ARHGEF11: variants seen among roughly 807,000 people sequenced by gnomAD.
The protein encoded by ARHGEF11 is Rho guanine nucleotide exchange factor 11.
Under a neutral mutation model 193.7 loss-of-function variants are expected in ARHGEF11, and 55 were observed. That is an observed-to-expected ratio of 0.28 (90% CI 0.23 to 0.36). The LOEUF is 0.36. Ranked by LOEUF, ARHGEF11 falls within the 10% of genes least tolerant of loss-of-function variation. The pLI is 1.00. For synonymous variants in ARHGEF11, 693 were observed against 768.0 expected, an observed-to-expected ratio of 0.90 and a Z score of 1.62; for missense variants, 1,723 against 2,005.6, an observed-to-expected ratio of 0.86 and a Z score of 2.69.
chr1:157,010,340 T>C (rs1668396210), intron 1 of ARHGEF11, among the ~76,000 whole-genome samples: 1 of 139,510 alleles, frequency 7.2e-6, no homozygotes, highest in South Asian at 2.4e-4. Context: ...GATGTGATCT[T>C]GCATACAGAA....
chr1:156,960,345 C>T (rs1660648409), intron 15 of ARHGEF11, 73 bp downstream of exon 15: 7 of 1,491,172 alleles, frequency 4.7e-6, no homozygotes, highest in Middle Eastern at 1.7e-4. Flanking sequence ...CCCTTCTGTC[C>T]TCTGGAGCCT....
intron 36 of ARHGEF11, 107 bp from the exon 37 acceptor site, chr1:156,940,017 T>G: frequency 6.5e-6 from 10 of 1,527,580 alleles, no homozygotes; most frequent in Non-Finnish European, 8.7e-6. Flanking sequence ...CAGGCACAGG[T>G]GAAGCTGGAG....
Position 156,946,974 on chromosome 1 carries a change from G to C in ARHGEF11, c.2530C>G (p.Pro844Ala). The change falls in exon 27 of 41, where the codon CCC (proline) becomes GCC (alanine). Residue 844 changes from proline (P) to alanine (A), a missense_variant. By Grantham distance (27) the Pro-to-Ala change is conservative. Transcript: ENST00000368194. ...EAMKKLREEG[P>A]IIKEISDLML... ...AGGTCACTGATCTCTTTGATGATGG[G>C]GCCTTCCTCCCGGAGCTTCTTCATG... The C allele has an allele frequency of 6.2e-7, 1 of 1,614,102 alleles. No individual in the cohort carries two copies.
At chr1:157,009,437 C>T (rs773145098) in intron 1 of ARHGEF11, among the ~76,000 whole-genome samples, 6 of 152,138 alleles carry the variant, frequency 3.9e-5, no homozygotes, top group Non-Finnish European at 8.8e-5. Flanking sequence ...GCAAAACAGA[C>T]TTAAGTTTGT....
rs977079161 is a variant in ARHGEF11, at chr1:156,945,824, C to T, written c.2812+221G>A. The stretch of plus-strand genomic sequence containing the variant: ...TTTGCACAAAGGCCCACACAGGTGG[C>T]CTTCGATGGTGGCCCCTACTCCTCC... On this transcript the variant is annotated intron_variant, in intron 29 of 40. Transcript: ENST00000368194. 7 of 473,572 alleles carry T rather than the reference C, an allele frequency of 1.5e-5. No homozygotes were observed. In the Admixed American group the frequency reaches 2.4e-4, roughly 17 times the overall value. 29.3% of individuals were successfully genotyped at this position (473,572 alleles called of 1,614,324 possible).
At chr1:156,961,331 GAT>G (rs1660807481) in intron 14 of ARHGEF11, among the ~76,000 whole-genome samples, 1 of 152,182 alleles carries the variant, frequency 6.6e-6, no homozygotes, top group Admixed American at 6.5e-5. Context: ...TAGGTCATCT[GAT>G]GTCTCTAGAC....
At chr1:156,936,079 T>C in intron 40 of ARHGEF11, 21 bp from the exon 41 acceptor site, 2 of 1,613,688 alleles carry the variant, frequency 1.2e-6, no homozygotes, top group South Asian at 2.2e-5. Flanking sequence ...AGGATGAAGG[T>C]GAGGAACTGG....
rs1187149828 is a variant in ARHGEF11 at position 156,935,768 on chromosome 1, CATG to C, written c.*229_*231del. The C allele has an allele frequency of 1.8e-6, 1 of 542,332 alleles. No individual in the cohort carries two copies. Among genetic ancestry groups the C allele is most frequent in the African/African-American group, 1.9e-5 (1 of 52,880 alleles). The allele number at this position is 542,332 out of a possible 1,614,324, so 33.6% of individuals were successfully genotyped here. A position where few individuals can be genotyped will look rare whatever the true frequency, so the allele number is the denominator to read the frequency against. On this transcript the variant is annotated 3_prime_UTR_variant, in exon 41 of 41. Transcript: ENST00000368194. ...GGATGCAGTCAGCATGCTTAGGAGA[CATG>C]AGGCCTTGGAGGGTTGGGCTAAGGG...
intron 19 of ARHGEF11, 42 bp from the exon 20 acceptor site, chr1:156,955,841 T>C (rs1450281277): frequency 1.3e-6 from 2 of 1,483,550 alleles, no homozygotes; most frequent in East Asian, 2.3e-5. Flanking sequence ...GAGGTCCTGA[T>C]ACCCAGGCGT....
intron 1 of ARHGEF11, among the ~76,000 whole-genome samples, chr1:156,990,547 G>A (rs942082432): frequency 7.9e-5 from 12 of 152,138 alleles, no homozygotes; most frequent in Non-Finnish European, 1.6e-4. Flanking sequence ...CCTGCAAAAT[G>A]GCAATTTGCT....
At chr1:157,046,693 C>G (rs1406967342), upstream of ARHGEF11, among the ~76,000 whole-genome samples, 1 of 152,196 alleles carries the variant, frequency 6.6e-6, no homozygotes, top group East Asian at 1.9e-4. Flanking sequence ...ATAACCCCCT[C>G]TCATAGAATC....
At chr1:157,018,290 C>A (rs1241189931) in intron 1 of ARHGEF11, among the ~76,000 whole-genome samples, 1 of 152,144 alleles carries the variant, frequency 6.6e-6, no homozygotes, top group Non-Finnish European at 1.5e-5. Context: ...CAATCCCAAT[C>A]ATAATCTCAG....
At chr1:156,945,965 T>A in intron 29 of ARHGEF11, 80 bp downstream of exon 29, 1 of 1,160,140 alleles carries the variant, frequency 8.6e-7, no homozygotes, top group East Asian at 2.4e-5. Flanking sequence ...AGTGACTTGC[T>A]AAGGTCACAA....
At chr1:157,015,924 G>A (rs1022424457) in intron 1 of ARHGEF11, among the ~76,000 whole-genome samples, 6 of 152,250 alleles carry the variant, frequency 3.9e-5, no homozygotes, top group Admixed American at 2.6e-4. Context: ...CTCAACTGAG[G>A]AGGGGGAGAG....
chr1:157,032,631 A>T (rs552775340), intron 1 of ARHGEF11, among the ~76,000 whole-genome samples: 9 of 150,752 alleles, frequency 6.0e-5, no homozygotes, highest in Admixed American at 4.0e-4. Context: ...CAGGAGCGAC[A>T]TTTTTTTTTT....
intron 20 of ARHGEF11, 113 bp downstream of exon 20, chr1:156,955,590 G>T: frequency 1.2e-6 from 1 of 808,698 alleles, no homozygotes; most frequent in Non-Finnish European, 2.1e-6. Flanking sequence ...GTCTGAGTTT[G>T]GGCCTGTGGC....
intron 13 of ARHGEF11, among the ~76,000 whole-genome samples, chr1:156,962,895 A>AC (rs1412362362): frequency 6.6e-6 from 1 of 150,634 alleles, no homozygotes; most frequent in Non-Finnish European, 1.5e-5. Context: ...AAAAAAAAAA[A>AC]AAAAAAAAAA....
In ARHGEF11 at chr1:156,936,967, A is replaced by G. The variant is rs1304315059; in HGVS notation, c.4479T>C (p.Leu1493=). The change falls in exon 40 of 41, where the codon CTT becomes CTC. Residue 1493 remains leucine, a synonymous_variant. Coordinates refer to ENST00000368194, the MANE Select transcript of ARHGEF11 (RefSeq NM_198236.3). ...TGGTGCCACCAGATGACTCTCCCCCAAGGGACTTGAGCAGCTCTCTGTGGG... is the reference window on the plus strand; with the variant it reads ...TGGTGCCACCAGATGACTCTCCCCCGAGGGACTTGAGCAGCTCTCTGTGGG... ...ELAHRELLKS[L]GGESSGGTTP... 1.9e-6 allele frequency: 3 copies of G among 1,613,754 alleles called. No individual in the cohort carries two copies. In the African/African-American group the frequency reaches 4.0e-5, roughly 22 times the overall value.
At chr1:156,985,711 A>G (rs920153501) in intron 2 of ARHGEF11, 1 of 151,098 alleles carries the variant, frequency 6.6e-6, no homozygotes, top group African/African-American at 2.5e-5. Flanking sequence ...GGCATAAGCC[A>G]CCACGCCCAG....
Sources: gnomAD v4.1 joint callset for allele counts (sites outside exome capture counted in the v4.1 genomes callset) on GRCh38, gnomAD v4.1.1 for gene constraint, MANE v1.5 for transcripts, NCBI Gene and HGNC (gene_info 2026-07-23, HGNC 2026-07-21) for gene names.